Variants in NT5C1A observed in about 807,000 individuals in gnomAD.
NT5C1A encodes the protein 5'-nucleotidase, cytosolic IA.
In NT5C1A, 18 loss-of-function variants were observed where a neutral mutation model predicts 31.0. The ratio of observed to expected loss-of-function variants is 0.58; its 90% confidence interval spans 0.40 to 0.86. The LOEUF is 0.86. Among genes scored for constraint, NT5C1A ranks in the 40% least tolerant of loss-of-function variants. The pLI, the probability that NT5C1A is intolerant of heterozygous loss-of-function variation, is 0.00. For missense variants in NT5C1A, 470 were observed against 505.4 expected (o/e 0.93, Z 0.67); for synonymous variants, 185 against 203.6 (o/e 0.91, Z 0.78).
intron 3 of NT5C1A, among the ~76,000 whole-genome samples, chr1:39,664,490 C>CCTCTCCTCCTCTCCTCTCCTCTCCT (rs1553485417): frequency 2.1e-3 from 6 of 2,896 alleles, no homozygotes; most frequent in Non-Finnish European, 3.1e-3. Context: ...GTGGATTTCT[C>CCTCTCCTCCTCTCCTCTCCTCTCCT]CTCCTCTCCT....
Position 39,661,142 on chromosome 1 carries a change from C to T in NT5C1A, c.678G>A (p.Lys226=), listed in dbSNP as rs1438534894. Reference sequence around the variant, plus strand: ...CGAAGAATCGGTCCAGCCCGTGGGCCTTGACGATGCGCTCCGACTCGTCCG... The same window carrying T: ...CGAAGAATCGGTCCAGCCCGTGGGCTTTGACGATGCGCTCCGACTCGTCCG... ...LFSDESERIV[K]AHGLDRFFEH... Residue 226 remains lysine (K), a synonymous_variant, in exon 5 of 6, where the codon AAG becomes AAA. Transcript: ENST00000235628. 3.1e-6 allele frequency: 5 copies of T among 1,601,340 alleles called. No individual in the cohort carries two copies. Among genetic ancestry groups the T allele is most frequent in the Non-Finnish European group, 4.3e-6 (5 of 1,169,464 alleles).
rs749437011 is a variant in NT5C1A at position 39,663,300 on chromosome 1, A to G, written c.556+12T>C. ...TGCACTCCCCATATTCTTCCTCTTC[A>G]CTTAGACTTACCCTCATCAATGGCT... On this transcript the variant is annotated intron_variant, in intron 4 of 5. Coordinates refer to ENST00000235628, the MANE Select transcript of NT5C1A (RefSeq NM_032526.3). 2 of 1,614,026 alleles carry G rather than the reference A, an allele frequency of 1.2e-6. No homozygotes were observed. The highest frequency in any genetic ancestry group is 1.7e-6 in the Non-Finnish European group (2 of 1,179,970).
chr1:39,671,783 G>C (rs1194464317), intron 1 of NT5C1A, 121 bp downstream of exon 1: 4 of 1,202,812 alleles, frequency 3.3e-6, no homozygotes, highest in Non-Finnish European at 3.5e-6. Context: ...GGCGCATTCT[G>C]GGGCTGAGGA....
chr1:39,671,816 C>A (rs1462174769), intron 1 of NT5C1A, 88 bp downstream of exon 1: 1 of 1,504,568 alleles, frequency 6.6e-7, no homozygotes. Context: ...CCCAGAGGGG[C>A]GCCACGGGTC....
rs1243033869 is a variant in NT5C1A at position 39,665,642 on chromosome 1, C to T, written c.312G>A (p.Glu104=). ...GCTCCCGCAGCCGCCTGTTCACGGC[C>T]TCCAGAGCCTGGAAAGGAGAGGGCA... ...GPAFPFVKAL[E]AVNRRLRELY... is the part of the protein sequence containing the mutation. The change falls in exon 3 of 6, where the codon GAG becomes GAA. Residue 104 remains glutamate, a synonymous_variant. Coordinates refer to ENST00000235628, the MANE Select transcript of NT5C1A (RefSeq NM_032526.3). 1 of 1,613,120 alleles carries T rather than the reference C, an allele frequency of 6.2e-7. No homozygotes were observed. The highest frequency in any genetic ancestry group is 2.2e-5 in the East Asian group (1 of 44,888).
At chr1:39,660,817 G>A (rs918957464) in intron 5 of NT5C1A, among the ~76,000 whole-genome samples, 1 of 152,126 alleles carries the variant, frequency 6.6e-6, no homozygotes, top group Admixed American at 6.5e-5. Flanking sequence ...CTGCAGAGGG[G>A]GGATGGGCTT....
chr1:39,661,215 G>T lies in NT5C1A; in HGVS notation c.605C>A (p.Ser202Tyr). The T allele has an allele frequency of 1.3e-6, 2 of 1,596,154 alleles. No individual in the cohort carries two copies. Among genetic ancestry groups the T allele is most frequent in the Non-Finnish European group, 1.7e-6 (2 of 1,165,154 alleles). Residue 202 changes from serine to tyrosine, a missense_variant, in exon 5 of 6, where the codon TCC becomes TAC. Ser to Tyr is a moderately radical substitution (Grantham distance 144, BLOSUM62 -2). Transcript: ENST00000235628. ...IFSPSRDVVV[S>Y]QSQLRVAFDG... Reference sequence around the variant, plus strand: ...GAAGGCCACGCGCAGCTGACTCTGGGACACAACCACATCCCTGCTGGGGCT... The same window carrying T: ...GAAGGCCACGCGCAGCTGACTCTGGTACACAACCACATCCCTGCTGGGGCT...
chr1:39,671,943 A>G lies in NT5C1A; in HGVS notation c.96T>C (p.Ile32=), dbSNP rs1489691775. Residue 32 remains isoleucine, a synonymous_variant, in exon 1 of 6, where the codon ATT becomes ATC. Transcript: ENST00000235628. ...TCTTGGGCGCGAGGTTGTCGTAGAA[A>G]ATCTTGGCTTCCTCCCAGACCGGGG... ...AAAPVWEEAK[I]FYDNLAPKKK... 2.5e-6 allele frequency: 4 copies of G among 1,613,178 alleles called. No homozygotes were observed. Among genetic ancestry groups the G allele is most frequent in the Non-Finnish European group, 3.4e-6 (4 of 1,179,842 alleles).
At chr1:39,664,389 C>G (rs1646508100) in intron 3 of NT5C1A, among the ~76,000 whole-genome samples, 1 of 146,246 alleles carries the variant, frequency 6.8e-6, no homozygotes, top group South Asian at 2.3e-4. Flanking sequence ...CCTCGTGATC[C>G]CCCGCCTCGG....
chr1:39,668,128 G>A (rs1646533109), intron 1 of NT5C1A, among the ~76,000 whole-genome samples: 1 of 152,232 alleles, frequency 6.6e-6, no homozygotes. Context: ...CTACCACCAT[G>A]TGTGTGTCCT....
chr1:39,658,846 C>G lies in NT5C1A; in HGVS notation c.*275G>C, dbSNP rs544083441. Among the ~76,000 whole-genome samples, 1 of 152,224 alleles carries G rather than the reference C, an allele frequency of 6.6e-6. No homozygotes were observed. Among genetic ancestry groups the G allele is most frequent in the African/African-American group, 2.4e-5 (1 of 41,536 alleles). ...GAAATCCTGGCTTCTCTGACCCTCC[C>G]CCTCTCAGACCCATTAACTTCCCCC... On this transcript the variant is annotated 3_prime_UTR_variant, in exon 6 of 6. Coordinates refer to ENST00000235628, the MANE Select transcript of NT5C1A (RefSeq NM_032526.3).
At position 39,671,965 on chromosome 1, in the gene NT5C1A, G is replaced by T; in HGVS notation, c.74C>A (p.Pro25Gln). 1 of 1,612,248 alleles carries T rather than the reference G, an allele frequency of 6.2e-7. No homozygotes were observed. Among genetic ancestry groups the T allele is most frequent in the Non-Finnish European group, 8.5e-7 (1 of 1,179,824 alleles). The change falls in exon 1 of 6, where the codon CCG becomes CAG. Residue 25 changes from proline to glutamine, a missense_variant. Physicochemically the swap from Pro to Gln is moderately conservative, Grantham distance 76. Transcript: ENST00000235628. ...GAAAATCTTGGCTTCCTCCCAGACC[G>T]GGGCCGCAGCGGTCTCCGCTCCTGG... ...PGPGAETAAA[P>Q]VWEEAKIFYD...
chr1:39,657,519 C>T lies in NT5C1A; in HGVS notation c.*1602G>A, dbSNP rs535614030. Among the ~76,000 whole-genome samples the T allele has an allele frequency of 6.6e-6, 1 of 152,330 alleles. No individual in the cohort carries two copies. The highest frequency in any genetic ancestry group is 1.5e-5 in the Non-Finnish European group (1 of 68,038). ...ACTAGGATTCCTCCTAGAAGCCTGG[C>T]AATCAGTCCACACACAGATGTCTGC... is the stretch of plus-strand genomic sequence containing the variant. On this transcript the variant is annotated 3_prime_UTR_variant, in exon 6 of 6. Transcript: ENST00000235628.
Position 39,652,158 on chromosome 1 carries a change from G to A in NT5C1A, c.*6963C>T, listed in dbSNP as rs181883252. ...AATATCCATCACTGAGAATCTGAGT[G>A]TAATATCCTCAGACTCTCAGTGACT... On this transcript the variant is annotated 3_prime_UTR_variant, in exon 6 of 6. Coordinates refer to ENST00000235628, the MANE Select transcript of NT5C1A (RefSeq NM_032526.3). Among the ~76,000 whole-genome samples, 15 of 147,816 alleles carry A rather than the reference G, an allele frequency of 1.0e-4. No homozygotes were observed. The East Asian group carries it at 3.0e-3, about 29-fold the overall frequency.
chr1:39,659,363 C>T lies in NT5C1A; in HGVS notation c.865G>A (p.Gly289Arg), dbSNP rs200357710. 1.4e-5 allele frequency: 23 copies of T among 1,613,848 alleles called. No individual in the cohort carries two copies. Among genetic ancestry groups the T allele is most frequent in the Admixed American group, 1.7e-5 (1 of 60,036 alleles). Residue 289 changes from glycine (G) to arginine (R), a missense_variant, in exon 6 of 6, where the codon GGG (glycine) becomes AGG (arginine). Transcript: ENST00000235628. ...LVTARSAASS[G>R]ARALKTLRSW... ...CGCAGGGTCTTGAGAGCCCGGGCCC[C>T]GGAACTGGCTGCACTGCGTGCTGTC... is the stretch of plus-strand genomic sequence containing the variant.
At position 39,659,475 on chromosome 1, in the gene NT5C1A, C is replaced by G; in HGVS notation, c.753G>C (p.Lys251Asn). 6.4e-7 allele frequency: 1 copy of G among 1,572,542 alleles called. No individual in the cohort carries two copies. The highest frequency in any genetic ancestry group is 8.6e-7 in the Non-Finnish European group (1 of 1,158,298). The part of the protein sequence containing the change: ...ENKPLAQGPL[K>N]GFLEALGRLQ... ...ACCTACCCAGTGCCTCCAGAAAGCC[C>G]TTTAAGGGGCCCTATGAGAAGGCAA... Residue 251 changes from lysine (K) to asparagine (N), a missense_variant, in exon 6 of 6, where the codon AAG becomes AAC. Lys to Asn is a moderately conservative substitution (Grantham distance 94). Coordinates refer to ENST00000235628, the MANE Select transcript of NT5C1A (RefSeq NM_032526.3).
At chr1:39,668,316 C>T (rs1646533748) in intron 1 of NT5C1A, among the ~76,000 whole-genome samples, 1 of 152,192 alleles carries the variant, frequency 6.6e-6, no homozygotes, top group Admixed American at 6.5e-5. Context: ...TAGGCAGGTT[C>T]CCAAGCCTGC....
intron 3 of NT5C1A, 22 bp from the exon 4 acceptor site, chr1:39,663,456 C>T (rs1220757637): frequency 7.4e-6 from 12 of 1,613,138 alleles, no homozygotes; most frequent in Non-Finnish European, 9.3e-6. Context: ...GTAAAGGACC[C>T]AGGTGAGGCC....
chr1:39,670,133 G>A (rs1480386678), intron 1 of NT5C1A, among the ~76,000 whole-genome samples: 1 of 151,974 alleles, frequency 6.6e-6, no homozygotes, highest in African/African-American at 2.4e-5. Flanking sequence ...TTATTATAAA[G>A]TCAACCAATG....
Sources: gnomAD v4.1 joint callset for allele counts (sites outside exome capture counted in the v4.1 genomes callset) on GRCh38, gnomAD v4.1.1 for gene constraint, MANE v1.5 for transcripts, NCBI Gene and HGNC (gene_info 2026-07-23, HGNC 2026-07-21) for gene names.